CACNA2D3: variants seen among roughly 807,000 people sequenced by gnomAD.
CACNA2D3 encodes the protein voltage-dependent calcium channel subunit alpha-2/delta-3.
CACNA2D3 carries 60 observed loss-of-function variants against 160.6 expected under a neutral mutation model. The observed-to-expected ratio is 0.37, with a 90% CI of 0.30 to 0.46. The LOEUF is 0.46. Among genes scored for constraint, CACNA2D3 ranks in the 20% least tolerant of loss-of-function variants. CACNA2D3 has a pLI of 1.00. For missense variants in CACNA2D3, 1,205 were observed against 1,365.0 expected, an observed-to-expected ratio of 0.88 and a Z score of 1.85; for synonymous variants, 558 against 492.9, an observed-to-expected ratio of 1.13 and a Z score of -1.75.
At chr3:54,867,147 C>T (rs572809792) in intron 17 of CACNA2D3, among the ~76,000 whole-genome samples, 24 of 152,268 alleles carry the variant, frequency 1.6e-4, no homozygotes, top group South Asian at 1.0e-3. Flanking sequence ...CAACTCCTCA[C>T]GCAGAAGAAG....
chr3:54,366,066 A>G (rs1698823128), intron 3 of CACNA2D3, among the ~76,000 whole-genome samples: 1 of 152,196 alleles, frequency 6.6e-6, no homozygotes, highest in East Asian at 1.9e-4. Context: ...GATGTTTACA[A>G]TATAATACAG....
In CACNA2D3 at chr3:54,342,054, G is replaced by A. The variant is rs80010662; in HGVS notation, c.321+21496G>A. Reference sequence around the variant, plus strand: ...GGAAACTGATTCACAGAGCTATTAAGTTATTTGCCAAAGAATACACAGTTG... The same window carrying A: ...GGAAACTGATTCACAGAGCTATTAAATTATTTGCCAAAGAATACACAGTTG... On this transcript the variant is annotated intron_variant, in intron 3 of 37. Transcript: ENST00000474759. 3.0e-4 allele frequency among the ~76,000 whole-genome samples: 45 copies of A among 152,270 alleles called. 1 individual carries two copies. In the East Asian group the frequency reaches 8.5e-3, roughly 29 times the overall value.
chr3:54,377,465 A>G (rs762135220), intron 3 of CACNA2D3, among the ~76,000 whole-genome samples: 13 of 152,300 alleles, frequency 8.5e-5, no homozygotes, highest in South Asian at 6.2e-4. Context: ...CCTTGTTTCA[A>G]TCAAGCTGTT....
chr3:54,726,945 A>G lies in CACNA2D3; in HGVS notation c.1168-25654A>G, dbSNP rs190882658. 5.3e-5 allele frequency among the ~76,000 whole-genome samples: 8 copies of G among 152,360 alleles called. No individual in the cohort carries two copies. In the East Asian group the frequency reaches 1.5e-3, roughly 29 times the overall value. On this transcript the variant is annotated intron_variant, in intron 11 of 37. Coordinates refer to ENST00000474759, the MANE Select transcript of CACNA2D3 (RefSeq NM_018398.3). Reference sequence around the variant, plus strand: ...TAATTAAACTAAAGAGCTTCTGCAAAGCAAAAGAAACTATCGTCAGAGTGA... The same window carrying G: ...TAATTAAACTAAAGAGCTTCTGCAAGGCAAAAGAAACTATCGTCAGAGTGA...
At chr3:54,605,255 A>G (rs1349960974) in intron 9 of CACNA2D3, among the ~76,000 whole-genome samples, 5 of 152,172 alleles carry the variant, frequency 3.3e-5, no homozygotes, top group Non-Finnish European at 5.9e-5. Context: ...CCCTTCTAGG[A>G]CTGAGGATTA....
chr3:54,349,500 G>A (rs1442326227), intron 3 of CACNA2D3, among the ~76,000 whole-genome samples: 1 of 152,188 alleles, frequency 6.6e-6, no homozygotes, highest in Non-Finnish European at 1.5e-5. Flanking sequence ...CTGACTCTGA[G>A]CCAAGCTGTT....
intron 2 of CACNA2D3, among the ~76,000 whole-genome samples, chr3:54,162,279 G>A (rs565171087): frequency 5.9e-4 from 90 of 152,262 alleles, no homozygotes; most frequent in Non-Finnish European, 1.1e-3. Context: ...ATTTGGACAC[G>A]GGAGGGGTGG....
At chr3:54,474,022 A>G (rs1484387794) in intron 4 of CACNA2D3, among the ~76,000 whole-genome samples, 3 of 152,186 alleles carry the variant, frequency 2.0e-5, no homozygotes, top group Non-Finnish European at 4.4e-5. Context: ...CAGAAATACC[A>G]TTTGACCCAG....
chr3:54,821,688 CTTTCT>C lies in CACNA2D3; in HGVS notation c.1398+4821_1398+4825del, dbSNP rs1559594946. Reference sequence around the variant, plus strand: ...TCTTTCTTTCTTTCTTTCTTTCTTTCTTTCTTTCTTTCCTTCCTTCCTTCTTTCCT... The same window carrying C: ...TCTTTCTTTCTTTCTTTCTTTCTTTCTTCTTTCCTTCCTTCCTTCTTTCCT... On this transcript the variant is annotated intron_variant, in intron 14 of 37. Transcript: ENST00000474759. 2.3e-3 allele frequency among the ~76,000 whole-genome samples: 295 copies of C among 129,530 alleles called. 1 individual carries two copies. Among genetic ancestry groups the C allele is most frequent in the Middle Eastern group, 0.011 (3 of 266 alleles). The allele number at this position is 129,530 out of a possible 152,430, so 85.0% of individuals were successfully genotyped here. A position where few individuals can be genotyped will look rare whatever the true frequency, so the allele number is the denominator to read the frequency against.
chr3:54,683,891 G>C (rs1355525470), intron 11 of CACNA2D3, among the ~76,000 whole-genome samples: 1 of 151,060 alleles, frequency 6.6e-6, no homozygotes, highest in African/African-American at 2.4e-5. Flanking sequence ...GATTGTGGCA[G>C]CATAACTCCA....
At chr3:54,678,760 A>C (rs966671921) in intron 11 of CACNA2D3, among the ~76,000 whole-genome samples, 5 of 143,982 alleles carry the variant, frequency 3.5e-5, no homozygotes, top group Admixed American at 2.9e-4. Context: ...GTTGATGATC[A>C]AGTTAATTAA....
intron 27 of CACNA2D3, among the ~76,000 whole-genome samples, chr3:54,906,133 C>T (rs1257634485): frequency 3.3e-5 from 5 of 152,010 alleles, no homozygotes; most frequent in Admixed American, 1.3e-4. Flanking sequence ...TGAGCATGGC[C>T]AAGTTGCTGC....
intron 9 of CACNA2D3, among the ~76,000 whole-genome samples, chr3:54,594,151 G>T (rs1310624220): frequency 6.6e-6 from 1 of 152,050 alleles, no homozygotes; most frequent in South Asian, 2.1e-4. Flanking sequence ...TGAATTCTTT[G>T]TATGAGCCTA....
chr3:54,319,175 C>T (rs1454282121), intron 2 of CACNA2D3, among the ~76,000 whole-genome samples: 1 of 150,080 alleles, frequency 6.7e-6, no homozygotes, highest in Non-Finnish European at 1.5e-5. Flanking sequence ...CACACACACA[C>T]ACACACACAC....
chr3:54,593,803 A>T (rs1702904447), intron 9 of CACNA2D3, among the ~76,000 whole-genome samples: 1 of 152,192 alleles, frequency 6.6e-6, no homozygotes, highest in Non-Finnish European at 1.5e-5. Context: ...TGATTTAAAT[A>T]AATTATAATG....
chr3:54,215,386 A>G (rs576735216), intron 2 of CACNA2D3, among the ~76,000 whole-genome samples: 2 of 152,222 alleles, frequency 1.3e-5, no homozygotes, highest in African/African-American at 2.4e-5. Context: ...AGCATACAAT[A>G]CAGTATTATT....
At chr3:54,663,313 T>C (rs1232798704) in intron 11 of CACNA2D3, among the ~76,000 whole-genome samples, 2 of 152,156 alleles carry the variant, frequency 1.3e-5, no homozygotes, top group Non-Finnish European at 2.9e-5. Flanking sequence ...TTGGCTTGTT[T>C]TAGAGGCAGT....
At chr3:54,562,970 T>C in intron 6 of CACNA2D3, 39 bp downstream of exon 6, 1 of 1,577,660 alleles carries the variant, frequency 6.3e-7, no homozygotes, top group Non-Finnish European at 8.7e-7. Flanking sequence ...CTCAGATTAA[T>C]GATAACTGAT....
chr3:54,146,305 T>G (rs2068627722), intron 2 of CACNA2D3, among the ~76,000 whole-genome samples: 1 of 152,222 alleles, frequency 6.6e-6, no homozygotes, highest in African/African-American at 2.4e-5. Context: ...TCCACTACAC[T>G]CGAGGTGACC....
Sources: gnomAD v4.1 joint callset for allele counts (sites outside exome capture counted in the v4.1 genomes callset) on GRCh38, gnomAD v4.1.1 for gene constraint, MANE v1.5 for transcripts, NCBI Gene and HGNC (gene_info 2026-07-23, HGNC 2026-07-21) for gene names.